The following ZNF316 variants were observed in gnomAD, a reference collection of about 807,000 sequenced individuals.
The protein encoded by ZNF316 is zinc finger protein 316.
Under a neutral mutation model 75.6 loss-of-function variants are expected in ZNF316, and 23 were observed. The ratio of observed to expected loss-of-function variants is 0.30; its 90% confidence interval spans 0.22 to 0.43. ZNF316 has a LOEUF of 0.43. Among genes scored for constraint, ZNF316 ranks in the 20% least tolerant of loss-of-function variants. The probability of loss-of-function intolerance (pLI) is 1.00; values close to 1 mark genes in which losing one functional copy is unlikely to be tolerated. For synonymous variants in ZNF316, 827 were observed against 666.2 expected, an observed-to-expected ratio of 1.24 and a Z score of -3.72; for missense variants, 1,266 against 1,409.4, an observed-to-expected ratio of 0.90 and a Z score of 1.63.
chr7:6,644,020 G>C (rs1001420323), intron 7 of ZNF316, 72 bp downstream of exon 7: 1 of 1,226,132 alleles, frequency 8.2e-7, no homozygotes, highest in Non-Finnish European at 1.0e-6. Context: ...CTGTCTGACG[G>C]GGCGCTTTTC....
chr7:6,653,350 T>G lies in ZNF316; in HGVS notation c.1754T>G (p.Leu585Arg). Residue 585 changes from leucine (L) to arginine (R), a missense_variant, in exon 9 of 9, where the codon CTG (leucine) becomes CGG (arginine). By Grantham distance (102) the Leu-to-Arg change is moderately radical (BLOSUM62 -2). Transcript: ENST00000382252. ...ERRFLELGNG[L>R]GEGEGPSSHP... The stretch of plus-strand genomic sequence containing the variant: ...CGCTTCCTGGAGCTGGGCAACGGCC[T>G]GGGGGAGGGCGAAGGCCCCTCCTCC... The G allele has an allele frequency of 2.4e-6, 3 of 1,225,934 alleles. No individual in the cohort carries two copies. Among genetic ancestry groups the G allele is most frequent in the Non-Finnish European group, 3.0e-6 (3 of 984,872 alleles). The allele number at this position is 1,225,934 out of a possible 1,614,324, so 75.9% of individuals were successfully genotyped here.
Position 6,658,151 on chromosome 7 carries a change from G to A in ZNF316, c.*3540G>A, listed in dbSNP as rs1476757895. ...TTTTCTGATTCATTCCTTTTATCCT[G>A]ATCTTTTCACTTAATCTCGTCCAAC... On this transcript the variant is annotated 3_prime_UTR_variant, in exon 9 of 9. Coordinates refer to ENST00000382252, the MANE Select transcript of ZNF316 (RefSeq NM_001278559.2). Among the ~76,000 whole-genome samples the A allele has an allele frequency of 1.3e-5, 2 of 151,906 alleles. No individual in the cohort carries two copies. Among genetic ancestry groups the A allele is most frequent in the Non-Finnish European group, 2.9e-5 (2 of 67,984 alleles).
rs1258153577 is a variant in ZNF316 at position 6,655,649 on chromosome 7, G to A, written c.*1038G>A. 1 of 152,230 alleles carries A rather than the reference G, an allele frequency of 6.6e-6. No homozygotes were observed. Among genetic ancestry groups the A allele is most frequent in the Non-Finnish European group, 1.5e-5 (1 of 68,064 alleles). The allele number at this position is 152,230 out of a possible 1,614,324, so 9.4% of individuals were successfully genotyped here. ...CCACATCCCATAATCAGGGCCCTAG[G>A]ACACTCGCAGGTCCCTTTAACTCTG... On this transcript the variant is annotated 3_prime_UTR_variant, in exon 9 of 9. Coordinates refer to ENST00000382252, the MANE Select transcript of ZNF316 (RefSeq NM_001278559.2).
At position 6,654,467 on chromosome 7, in the gene ZNF316, G is replaced by A. The variant is rs1779579846; in HGVS notation, c.2871G>A (p.Glu957=). 8.4e-7 allele frequency: 1 copy of A among 1,192,242 alleles called. No individual in the cohort carries two copies. Among genetic ancestry groups the A allele is most frequent in the African/African-American group, 1.6e-5 (1 of 62,558 alleles). The allele number at this position is 1,192,242 out of a possible 1,614,324, so 73.9% of individuals were successfully genotyped here. A position where few individuals can be genotyped will look rare whatever the true frequency, so the allele number is the denominator to read the frequency against. Residue 957 remains glutamate, a synonymous_variant, in exon 9 of 9, where the codon GAG becomes GAA. Coordinates refer to ENST00000382252, the MANE Select transcript of ZNF316 (RefSeq NM_001278559.2). ...CCCCAGCCCCCGCGCCCAAGCCCGA[G>A]GCGGCCGCCAAGGGGCCGTCCAGTG... The part of the protein sequence containing the change: ...GSAPAPAPKP[E]AAAKGPSSAG...
chr7:6,653,564 CGGGG>C lies in ZNF316; in HGVS notation c.1969_1972del (p.Gly657ProfsTer133). Reference sequence around the variant, plus strand: ...TGGCGTGCGACCCTTTCGGCGGCGGCGGGGCCGCGGGCGGCGGAGGCGGCCTGCG... The same window carrying C: ...TGGCGTGCGACCCTTTCGGCGGCGGCCCGCGGGCGGCGGAGGCGGCCTGCG... On this transcript the variant is annotated frameshift_variant, in exon 9 of 9. Transcript: ENST00000382252. LOFTEE classifies it high-confidence loss of function. 2 of 1,133,796 alleles carry C rather than the reference CGGGG, an allele frequency of 1.8e-6. No individual in the cohort carries two copies. Among genetic ancestry groups the C allele is most frequent in the Non-Finnish European group, 2.2e-6 (2 of 925,040 alleles). 70.2% of individuals were successfully genotyped at this position (1,133,796 alleles called of 1,614,324 possible).
chr7:6,652,679 C>T lies in ZNF316; in HGVS notation c.1083C>T (p.Ala361=), dbSNP rs1004523162. The T allele has an allele frequency of 3.2e-6, 4 of 1,233,554 alleles. No homozygotes were observed. Among genetic ancestry groups the T allele is most frequent in the Non-Finnish European group, 2.0e-6 (2 of 988,586 alleles). The allele number at this position is 1,233,554 out of a possible 1,614,324, so 76.4% of individuals were successfully genotyped here. Residue 361 remains alanine, a synonymous_variant, in exon 9 of 9, where the codon GCC becomes GCT. Transcript: ENST00000382252. Reference sequence around the variant, plus strand: ...TCTTCCCGCACCGCTCGCGGCTGGCCAAGCACCAGCGCTACCACGCGGCCG... The same window carrying T: ...TCTTCCCGCACCGCTCGCGGCTGGCTAAGCACCAGCGCTACCACGCGGCCG... The part of the protein sequence containing the change: ...GKVFPHRSRL[A]KHQRYHAAVK...
rs1779339887 is a variant in ZNF316, at chr7:6,643,081, G to A, written c.465+8G>A. 7 of 1,234,402 alleles carry A rather than the reference G, an allele frequency of 5.7e-6. No homozygotes were observed. Among genetic ancestry groups the A allele is most frequent in the Non-Finnish European group, 7.1e-6 (7 of 989,374 alleles). 76.5% of individuals were successfully genotyped at this position (1,234,402 alleles called of 1,614,324 possible). ...CTGACGGCTGGGTGTCAGGTGAGCC[G>A]CCCTCTCCGTTTGGGGCTTGGGTAA... On this transcript the variant is annotated splice_region_variant and intron_variant, in intron 6 of 8. Transcript: ENST00000382252.
At chr7:6,644,090 T>TGGG in intron 7 of ZNF316, 142 bp downstream of exon 7, 1 of 931,924 alleles carries the variant, frequency 1.1e-6, no homozygotes, top group Non-Finnish European at 1.4e-6. Flanking sequence ...AGGGAAGCCC[T>TGGG]AGGACCCCAT....
At position 6,642,593 on chromosome 7, in the gene ZNF316, G is replaced by C; in HGVS notation, c.184G>C (p.Glu62Gln). 1 of 1,221,146 alleles carries C rather than the reference G, an allele frequency of 8.2e-7. No individual in the cohort carries two copies. The highest frequency in any genetic ancestry group is 1.0e-6 in the Non-Finnish European group (1 of 976,778). The allele number at this position is 1,221,146 out of a possible 1,614,324, so 75.6% of individuals were successfully genotyped here. ...GGAGGAGGAGGAGGAGGGTGTGGCAGAGGTAGTGCAGGATGCGCAGGTGGA... is the reference window on the plus strand; with the variant it reads ...GGAGGAGGAGGAGGAGGGTGTGGCACAGGTAGTGCAGGATGCGCAGGTGGA... ...VVEEEEEGVAEVVQDAQVEAV... is the reference protein window; with the variant it reads ...VVEEEEEGVAQVVQDAQVEAV... The change falls in exon 5 of 9, where the codon GAG becomes CAG. Residue 62 changes from glutamate (E) to glutamine (Q), a missense_variant. Around this residue, in one of 3 missense-constraint regions of ZNF316, gnomAD observed 961 missense variants for 990.9 expected, o/e 0.97. Transcript: ENST00000382252. This position sits in a 1 kb window ranked among gnomAD's most constrained non-coding sequence, Gnocchi z 8.1.
In ZNF316 at chr7:6,644,470, C is replaced by G. The variant is rs1038515236; in HGVS notation, c.593-10C>G. ...GAGCCGCCTGCAGCCGCCGTCTGTTCTCCTGGCAGGATACCCAATTCCCAA... is the reference window on the plus strand; with the variant it reads ...GAGCCGCCTGCAGCCGCCGTCTGTTGTCCTGGCAGGATACCCAATTCCCAA... On this transcript the variant is annotated splice_polypyrimidine_tract_variant and intron_variant, in intron 7 of 8. Coordinates refer to ENST00000382252, the MANE Select transcript of ZNF316 (RefSeq NM_001278559.2). 2 of 1,230,294 alleles carry G rather than the reference C, an allele frequency of 1.6e-6. No individual in the cohort carries two copies. The highest frequency in any genetic ancestry group is 2.0e-6 in the Non-Finnish European group (2 of 986,804). The allele number at this position is 1,230,294 out of a possible 1,614,324, so 76.2% of individuals were successfully genotyped here.
chr7:6,651,623 C>G (rs954360185), intron 8 of ZNF316, among the ~76,000 whole-genome samples: 1 of 151,784 alleles, frequency 6.6e-6, no homozygotes, highest in African/African-American at 2.4e-5. Flanking sequence ...AAAAGCCGGG[C>G]GTGGTGGCCT....
At chr7:6,641,208 G>T (rs116975789) in intron 3 of ZNF316, among the ~76,000 whole-genome samples, 1 of 152,362 alleles carries the variant, frequency 6.6e-6, no homozygotes, top group East Asian at 1.9e-4. Flanking sequence ...TGCTCGAGCT[G>T]GATGAGCTAG....
chr7:6,647,635 G>T (rs1779430783), intron 8 of ZNF316, among the ~76,000 whole-genome samples: 6 of 152,226 alleles, frequency 3.9e-5, no homozygotes. Flanking sequence ...GAGAGAAGTG[G>T]CGCTGTTCAG....
chr7:6,638,104 C>G (rs1378909423), intron 2 of ZNF316, 95 bp downstream of exon 2: 9 of 152,886 alleles, frequency 5.9e-5, no homozygotes, highest in Non-Finnish European at 1.3e-4. Context: ...GGTCGAGGAC[C>G]CGATGGGCAA....
intron 2 of ZNF316, among the ~76,000 whole-genome samples, chr7:6,638,240 C>A (rs888425315): frequency 6.6e-6 from 1 of 150,894 alleles, no homozygotes; most frequent in African/African-American, 2.4e-5. Flanking sequence ...AGGGGGCTAC[C>A]CTGGGGAACC....
Position 6,644,541 on chromosome 7 carries a change from C to G in ZNF316, c.654C>G (p.Val218=). The change falls in exon 8 of 9, where the codon GTC becomes GTG. Residue 218 remains valine, a synonymous_variant. Coordinates refer to ENST00000382252, the MANE Select transcript of ZNF316 (RefSeq NM_001278559.2). ...FRLEQGEEPW[V]PDSPRPEEGD... is the part of the protein sequence containing the mutation. ...TGGAACAAGGGGAAGAACCTTGGGT[C>G]CCAGATAGTCCCCGACCTGAGGAAG... 8.1e-7 allele frequency: 1 copy of G among 1,232,322 alleles called. No individual in the cohort carries two copies. The highest frequency in any genetic ancestry group is 3.2e-5 in the East Asian group (1 of 31,704). 76.3% of individuals were successfully genotyped at this position (1,232,322 alleles called of 1,614,324 possible). A position where few individuals can be genotyped will look rare whatever the true frequency, so the allele number is the denominator to read the frequency against.
intron 8 of ZNF316, among the ~76,000 whole-genome samples, chr7:6,648,401 C>G (rs1265161717): frequency 6.6e-6 from 1 of 152,140 alleles, no homozygotes; most frequent in African/African-American, 2.4e-5. Context: ...ATTTGGGGGA[C>G]AACTTGAGCG....
chr7:6,658,195 T>G lies in ZNF316; in HGVS notation c.*3584T>G, dbSNP rs761514877. Among the ~76,000 whole-genome samples, 1 of 152,342 alleles carries G rather than the reference T, an allele frequency of 6.6e-6. No individual in the cohort carries two copies. The highest frequency in any genetic ancestry group is 2.1e-4 in the South Asian group (1 of 4,830). Reference sequence around the variant, plus strand: ...GTCCAACATTTCCTTCTATCTCCCTTTTTTCTTTCTCTAATTGGCTACATA... The same window carrying G: ...GTCCAACATTTCCTTCTATCTCCCTGTTTTCTTTCTCTAATTGGCTACATA... On this transcript the variant is annotated 3_prime_UTR_variant, in exon 9 of 9. Coordinates refer to ENST00000382252, the MANE Select transcript of ZNF316 (RefSeq NM_001278559.2).
rs1779240946 is a variant in ZNF316 at position 6,637,752 on chromosome 7, G to C, written c.-430-94G>C. ...CGGGAGGCCACGCGTGACACCTCGG[G>C]GTGCCCGCCCACGCCTTCTCGGCCG... On this transcript the variant is annotated intron_variant, in intron 1 of 8. Coordinates refer to ENST00000382252, the MANE Select transcript of ZNF316 (RefSeq NM_001278559.2). This position sits in a 1 kb window ranked among gnomAD's most constrained non-coding sequence, Gnocchi z 6.2. 6.6e-6 allele frequency: 1 copy of C among 152,020 alleles called. No individual in the cohort carries two copies. Among genetic ancestry groups the C allele is most frequent in the Non-Finnish European group, 1.5e-5 (1 of 68,030 alleles). The allele number at this position is 152,020 out of a possible 1,614,324, so 9.4% of individuals were successfully genotyped here. A position where few individuals can be genotyped will look rare whatever the true frequency, so the allele number is the denominator to read the frequency against.
Sources: allele counts gnomAD v4.1 joint callset (sites outside exome capture counted in the v4.1 genomes callset), GRCh38; gene constraint gnomAD v4.1.1; regional missense constraint gnomAD v4.1.1; non-coding constraint Gnocchi (gnomAD v3.1); transcripts MANE v1.5; gene names NCBI Gene and HGNC (gene_info 2026-07-23, HGNC 2026-07-21).